Variants in SLC43A2 observed in about 807,000 individuals in gnomAD.
SLC43A2 encodes the protein large neutral amino acids transporter small subunit 4.
A neutral mutation model predicts 63.2 loss-of-function variants in SLC43A2; 38 were observed. The ratio of observed to expected loss-of-function variants is 0.60; its 90% CI spans 0.46 to 0.79. The LOEUF (loss-of-function observed/expected upper bound fraction) is 0.79, where lower values mean the gene tolerates loss of function less well. Among genes scored for constraint, SLC43A2 ranks in the 30% least tolerant of loss-of-function variants. SLC43A2 has a pLI of 0.00. For missense variants in SLC43A2, 644 were observed against 756.2 expected, an observed-to-expected ratio of 0.85 and a Z score of 1.74; for synonymous variants, 322 against 331.0, an observed-to-expected ratio of 0.97 and a Z score of 0.30.
chr17:1,582,895 A>G (rs1282417542), intron 11 of SLC43A2, among the ~76,000 whole-genome samples: 1 of 152,196 alleles, frequency 6.6e-6, no homozygotes, highest in Non-Finnish European at 1.5e-5. Flanking sequence ...CCTGGCCAAC[A>G]TGGCAAAACC....
chr17:1,614,688 G>A (rs1008944018), intron 4 of SLC43A2, among the ~76,000 whole-genome samples: 58 of 152,210 alleles, frequency 3.8e-4, no homozygotes, highest in Non-Finnish European at 1.2e-4. Context: ...CCCTGCAGCC[G>A]GCCTGGTTCT....
Position 1,602,758 on chromosome 17 carries a change from GTTT to G in SLC43A2, c.502-9482_502-9480del, listed in dbSNP as rs555244484. 5.9e-5 allele frequency among the ~76,000 whole-genome samples: 8 copies of G among 135,054 alleles called. No homozygotes were observed. In the South Asian group the frequency reaches 7.0e-4, roughly 12 times the overall value. 88.6% of individuals were successfully genotyped at this position (135,054 alleles called of 152,430 possible). A position where few individuals can be genotyped will look rare whatever the true frequency, so the allele number is the denominator to read the frequency against. ...TAATTCATGGTGTTTTGTTTTTTCA[GTTT>G]TTTTTTTTTTTTTTGAGATGGAGTT... is the stretch of plus-strand genomic sequence containing the variant. On this transcript the variant is annotated intron_variant, in intron 5 of 13. Transcript: ENST00000301335.
At chr17:1,576,864 T>C (rs1279196916) in intron 12 of SLC43A2, 144 bp from the exon 13 acceptor site, 1 of 65,694 alleles carries the variant, frequency 1.5e-5, no homozygotes, top group Non-Finnish European at 2.4e-5. Context: ...GGCAGTTCTG[T>C]TTTTTTTTTT....
chr17:1,587,044 G>A, intron 9 of SLC43A2: 7 of 1,408,544 alleles, frequency 5.0e-6, no homozygotes, highest in Non-Finnish European at 6.7e-6. Context: ...GATGGGAGAG[G>A]AGGCAGGCTC....
At chr17:1,604,648 AC>A in intron 5 of SLC43A2, 1 of 1,368,720 alleles carries the variant, frequency 7.3e-7, no homozygotes, top group South Asian at 1.3e-5. Context: ...AGCTGAGACT[AC>A]AGGGGGATAC....
intron 3 of SLC43A2, among the ~76,000 whole-genome samples, chr17:1,615,542 A>C (rs1907518546): frequency 6.6e-6 from 1 of 151,752 alleles, no homozygotes; most frequent in Non-Finnish European, 1.5e-5. Context: ...GGAAAAAAAA[A>C]AAAAAAAGAA....
intron 2 of SLC43A2, 59 bp downstream of exon 2, chr17:1,627,656 C>CCCCCCCACCCCAA: frequency 2.9e-6 from 2 of 689,912 alleles, no homozygotes; most frequent in Admixed American, 3.4e-5. Context: ...GCCCCCATCC[C>CCCCCCCACCCCAA]GCCCCCTCCC....
rs894388826 is a variant in SLC43A2, at chr17:1,605,084, G to A, written c.501+8111C>T. On this transcript the variant is annotated intron_variant, in intron 5 of 13. Coordinates refer to ENST00000301335, the MANE Select transcript of SLC43A2 (RefSeq NM_152346.3). This position sits in a 1 kb window ranked among gnomAD's most constrained non-coding sequence, Gnocchi z 4.9. ...TCCTGACTCACCACCACACTCACAG[G>A]TGGGAGTGCAAGCCCCTCTTCCCGC... The A allele has an allele frequency of 3.6e-6, 5 of 1,378,438 alleles. No individual in the cohort carries two copies. In the East Asian group the frequency reaches 1.4e-4, roughly 39 times the overall value. 85.4% of individuals were successfully genotyped at this position (1,378,438 alleles called of 1,614,324 possible). A position where few individuals can be genotyped will look rare whatever the true frequency, so the allele number is the denominator to read the frequency against.
At chr17:1,579,405 G>A (rs945493843) in intron 11 of SLC43A2, among the ~76,000 whole-genome samples, 2 of 150,716 alleles carry the variant, frequency 1.3e-5, no homozygotes, top group African/African-American at 2.4e-5. Context: ...AGGTTGCGGT[G>A]AGCCGAGATA....
chr17:1,606,456 C>T lies in SLC43A2; in HGVS notation c.501+6739G>A, dbSNP rs1031582732. Among the ~76,000 whole-genome samples, 5 of 152,196 alleles carry T rather than the reference C, an allele frequency of 3.3e-5. No individual in the cohort carries two copies. The highest frequency in any genetic ancestry group is 1.2e-4 in the African/African-American group (5 of 41,452). On this transcript the variant is annotated intron_variant, in intron 5 of 13. Transcript: ENST00000301335. The surrounding 1 kb of genome is among the most constrained non-coding windows in gnomAD (Gnocchi z 4.7). ...CGGGGAGCCTGGCAACATTTTGAAA[C>T]CCGCTTTTCTGTGTGGCTTCTGCTG...
At position 1,570,749 on chromosome 17, in the gene SLC43A2, G is replaced by A. The variant is rs1324754481; in HGVS notation, c.*4855C>T. On this transcript the variant is annotated 3_prime_UTR_variant, in exon 14 of 14. Coordinates refer to ENST00000301335, the MANE Select transcript of SLC43A2 (RefSeq NM_152346.3). ...GATCCGCCCGCCTCGGCCTCCCAAA[G>A]TGCTGGGATTACAGGCGTGAGCCAC... is the stretch of plus-strand genomic sequence containing the variant. The A allele has an allele frequency of 6.6e-6, 1 of 152,152 alleles. No individual in the cohort carries two copies. The highest frequency in any genetic ancestry group is 2.4e-5 in the African/African-American group (1 of 41,410). The allele number at this position is 152,152 out of a possible 1,614,324, so 9.4% of individuals were successfully genotyped here.
At position 1,586,434 on chromosome 17, in the gene SLC43A2, T is replaced by C. The variant is rs928680612; in HGVS notation, c.1079-383A>G. 3.9e-5 allele frequency among the ~76,000 whole-genome samples: 6 copies of C among 152,170 alleles called. 1 individual carries two copies. Among genetic ancestry groups the C allele is most frequent in the Admixed American group, 1.3e-4 (2 of 15,280 alleles). On this transcript the variant is annotated intron_variant, in intron 9 of 13. Coordinates refer to ENST00000301335, the MANE Select transcript of SLC43A2 (RefSeq NM_152346.3). ...CAGAACGGCTGGGCGCGGTGGCTCA[T>C]GCCTGTAATCCCAGCACTTTGGGAG...
In SLC43A2 at chr17:1,606,122, G is replaced by C. The variant is rs953621307; in HGVS notation, c.501+7073C>G. Among the ~76,000 whole-genome samples, 2 of 152,154 alleles carry C rather than the reference G, an allele frequency of 1.3e-5. No individual in the cohort carries two copies. Among genetic ancestry groups the C allele is most frequent in the African/African-American group, 4.8e-5 (2 of 41,454 alleles). On this transcript the variant is annotated intron_variant, in intron 5 of 13. Coordinates refer to ENST00000301335, the MANE Select transcript of SLC43A2 (RefSeq NM_152346.3). The surrounding 1 kb of genome is among the most constrained non-coding windows in gnomAD (Gnocchi z 4.7). ...GGGCACTGGCAAGTCCCGCTCACCA[G>C]GCACCTAGACCCTCCAGAGCTGGCC...
chr17:1,584,251 C>T (rs1429522568), intron 10 of SLC43A2, among the ~76,000 whole-genome samples: 2 of 152,142 alleles, frequency 1.3e-5, no homozygotes, highest in Non-Finnish European at 2.9e-5. Flanking sequence ...GTCTCACACC[C>T]ACGCAGACAC....
At chr17:1,599,576 C>T (rs1905699137) in intron 5 of SLC43A2, among the ~76,000 whole-genome samples, 1 of 151,502 alleles carries the variant, frequency 6.6e-6, no homozygotes, top group South Asian at 2.1e-4. Context: ...TGGCAGGCAC[C>T]TGTAGTCCCA....
chr17:1,576,633 C>T lies in SLC43A2; in HGVS notation c.1512G>A (p.Leu504=), dbSNP rs987738301. The T allele has an allele frequency of 6.2e-6, 10 of 1,610,596 alleles. No individual in the cohort carries two copies. The highest frequency in any genetic ancestry group is 8.5e-6 in the Non-Finnish European group (10 of 1,179,972). The change falls in exon 13 of 14, where the codon CTG becomes CTA. Residue 504 remains leucine, a synonymous_variant. Coordinates refer to ENST00000301335, the MANE Select transcript of SLC43A2 (RefSeq NM_152346.3). ...LFALLQQPLF[L]AMMGPLQGDP... ...CTCCCTGGAGAGGACCCATCATGGC[C>T]AGAAACAGCGGCTGCTGCAGAAGGG...
chr17:1,606,147 C>T lies in SLC43A2; in HGVS notation c.501+7048G>A, dbSNP rs766445615. On this transcript the variant is annotated intron_variant, in intron 5 of 13. Transcript: ENST00000301335. This position sits in a 1 kb window ranked among gnomAD's most constrained non-coding sequence, Gnocchi z 4.7. ...GGCACCTAGACCCTCCAGAGCTGGC[C>T]GGGGGCCACCGCGGGACCCTCTCCT... Among the ~76,000 whole-genome samples the T allele has an allele frequency of 1.8e-4, 27 of 151,436 alleles. No homozygotes were observed. Among genetic ancestry groups the T allele is most frequent in the Admixed American group, 6.6e-4 (10 of 15,248 alleles).
At chr17:1,625,515 C>G (rs980382409) in intron 2 of SLC43A2, among the ~76,000 whole-genome samples, 1 of 152,186 alleles carries the variant, frequency 6.6e-6, no homozygotes, top group Admixed American at 6.5e-5. Context: ...GCAATTCAGC[C>G]ATGCACCAAG....
intron 2 of SLC43A2, among the ~76,000 whole-genome samples, chr17:1,617,903 G>A (rs745515442): frequency 6.6e-6 from 1 of 152,220 alleles, no homozygotes; most frequent in Non-Finnish European, 1.5e-5. Context: ...GGCTGGGAAC[G>A]TGGCTGAGGA....
Sources: gnomAD v4.1 joint callset for allele counts (sites outside exome capture counted in the v4.1 genomes callset) on GRCh38, gnomAD v4.1.1 for gene constraint, Gnocchi (gnomAD v3.1) non-coding constraint, MANE v1.5 for transcripts, NCBI Gene and HGNC (gene_info 2026-07-23, HGNC 2026-07-21) for gene names.